The following EPHA6 variants were observed in gnomAD, a reference collection of about 807,000 sequenced individuals.
EPHA6 encodes EPH receptor A6, also known as ephrin type-A receptor 6.
Under a neutral mutation model 112.0 loss-of-function variants are expected in EPHA6, and 50 were observed. That is an observed-to-expected ratio of 0.45 (90% CI 0.36 to 0.56). The LOEUF is 0.56. Ranked by LOEUF, EPHA6 falls within the 20% of genes least tolerant of loss-of-function variation. EPHA6 has a pLI of 0.00. For missense variants in EPHA6, 1,280 were observed against 1,417.4 expected, an observed-to-expected ratio of 0.90 and a Z score of 1.56; for synonymous variants, 529 against 490.7, an observed-to-expected ratio of 1.08 and a Z score of -1.03.
intron 3 of EPHA6, among the ~76,000 whole-genome samples, chr3:97,006,527 A>AT (rs60999000): frequency 0.14 from 19,237 of 141,360 alleles, 1,763 homozygotes; most frequent in African/African-American, 0.28. Context: ...CTAGCAGTCT[A>AT]TTTTTTTTTT....
intron 10 of EPHA6, among the ~76,000 whole-genome samples, chr3:97,511,248 T>C (rs1388478900): frequency 6.6e-6 from 1 of 151,766 alleles, no homozygotes; most frequent in Non-Finnish European, 1.5e-5. Context: ...CTTCTGCAGC[T>C]AGCTCGGTGT....
chr3:97,187,478 G>T (rs1010405644), intron 3 of EPHA6, among the ~76,000 whole-genome samples: 2 of 151,612 alleles, frequency 1.3e-5, no homozygotes, highest in African/African-American at 4.8e-5. Flanking sequence ...GCTGAGGCAG[G>T]AGAATTGCTT....
At chr3:97,568,089 A>G (rs1403442275) in intron 11 of EPHA6, among the ~76,000 whole-genome samples, 1 of 152,188 alleles carries the variant, frequency 6.6e-6, no homozygotes, top group African/African-American at 2.4e-5. Context: ...TTTACGTATC[A>G]AAGACTTGCT....
intron 14 of EPHA6, among the ~76,000 whole-genome samples, chr3:97,654,501 A>G (rs1360360337): frequency 3.9e-5 from 6 of 151,984 alleles, no homozygotes; most frequent in Non-Finnish European, 8.8e-5. Context: ...AGATAGTGAT[A>G]AATATTGGAT....
At chr3:97,330,713 G>A (rs2082750095) in intron 5 of EPHA6, among the ~76,000 whole-genome samples, 1 of 152,188 alleles carries the variant, frequency 6.6e-6, no homozygotes, top group South Asian at 2.1e-4. Flanking sequence ...AAATATATAT[G>A]CACCCAATAC....
intron 3 of EPHA6, among the ~76,000 whole-genome samples, chr3:97,025,608 TA>T (rs1485472124): frequency 6.6e-6 from 1 of 152,174 alleles, no homozygotes; most frequent in Non-Finnish European, 1.5e-5. Flanking sequence ...TTTTATTTTT[TA>T]AAAACAGTCT....
intron 11 of EPHA6, among the ~76,000 whole-genome samples, chr3:97,539,014 TCTTTCTTTCTTTCTTTCTTTCTTG>T (rs1363482918): frequency 3.3e-5 from 5 of 151,000 alleles, no homozygotes; most frequent in African/African-American, 1.2e-4. Flanking sequence ...TTTCTTTCTT[TCTTTCTTTCTTTCTTTCTTTCTTG>T]CTTTCTTTCT....
intron 3 of EPHA6, among the ~76,000 whole-genome samples, chr3:97,171,170 C>T (rs2076689850): frequency 6.6e-6 from 1 of 151,968 alleles, no homozygotes; most frequent in Non-Finnish European, 1.5e-5. Context: ...CATTGATTTC[C>T]CATGGAGTTG....
chr3:97,389,456 A>G (rs2086272279), intron 5 of EPHA6, among the ~76,000 whole-genome samples: 1 of 152,148 alleles, frequency 6.6e-6, no homozygotes, highest in Admixed American at 6.6e-5. Flanking sequence ...GAATTATAAT[A>G]TTTATTTTTT....
intron 3 of EPHA6, among the ~76,000 whole-genome samples, chr3:97,220,515 A>G (rs2078162768): frequency 6.6e-6 from 1 of 152,216 alleles, no homozygotes; most frequent in Admixed American, 6.5e-5. Context: ...CAGGAAATTT[A>G]CAATCATGGC....
At chr3:97,458,839 A>C (rs6439188) in intron 7 of EPHA6, among the ~76,000 whole-genome samples, 6,369 of 152,180 alleles carry the variant, frequency 0.042, 363 homozygotes, top group African/African-American at 0.14. Flanking sequence ...CTCAATCAAA[A>C]CATATTAATA....
intron 14 of EPHA6, chr3:97,648,671 C>T (rs1052525519): frequency 1.9e-6 from 2 of 1,050,324 alleles, no homozygotes; most frequent in Non-Finnish European, 2.3e-6. Context: ...AGAACTTTCA[C>T]TCACTTTGTC....
chr3:97,153,255 AT>A (rs1483734523), intron 3 of EPHA6, among the ~76,000 whole-genome samples: 1 of 151,688 alleles, frequency 6.6e-6, no homozygotes, highest in Admixed American at 6.6e-5. Context: ...GTATATCACA[AT>A]TTTTTTCAAA....
rs374119693 is a variant in EPHA6, at chr3:97,319,863, A to G, written c.1606+75576A>G. Among the ~76,000 whole-genome samples the G allele has an allele frequency of 1.4e-4, 21 of 152,006 alleles. 1 individual carries two copies. The highest frequency in any genetic ancestry group is 4.8e-4 in the African/African-American group (20 of 41,336). On this transcript the variant is annotated intron_variant, in intron 5 of 17. Coordinates refer to ENST00000389672, the MANE Select transcript of EPHA6 (RefSeq NM_001080448.3). ...CAATTAAAACTTTTAAATACTGAGT[A>G]CAAAGTGCAACTCTACTAGTTATGT...
intron 11 of EPHA6, among the ~76,000 whole-genome samples, chr3:97,542,211 T>C (rs1183437419): frequency 1.3e-5 from 2 of 152,074 alleles, no homozygotes; most frequent in African/African-American, 4.8e-5. Flanking sequence ...CATTTAGCAT[T>C]AGGTATATCT....
intron 3 of EPHA6, among the ~76,000 whole-genome samples, chr3:97,166,322 T>C (rs1479549705): frequency 6.6e-6 from 1 of 151,626 alleles, no homozygotes; most frequent in African/African-American, 2.4e-5. Context: ...TATGCTTTCA[T>C]CCTTTGTAGT....
chr3:97,233,676 T>A (rs1030723257), intron 4 of EPHA6, among the ~76,000 whole-genome samples: 1 of 152,190 alleles, frequency 6.6e-6, no homozygotes, highest in Non-Finnish European at 1.5e-5. Context: ...TACTATCTGG[T>A]GTCTTGGTCA....
intron 2 of EPHA6, 31 bp from the exon 3 acceptor site, chr3:96,987,299 A>G: frequency 6.5e-7 from 1 of 1,546,702 alleles, no homozygotes; most frequent in African/African-American, 1.4e-5. Context: ...GTGGTTTAAA[A>G]TCACTTAATT....
chr3:97,378,902 G>A (rs1430213319), intron 5 of EPHA6, among the ~76,000 whole-genome samples: 2 of 152,120 alleles, frequency 1.3e-5, no homozygotes, highest in Non-Finnish European at 2.9e-5. Flanking sequence ...TTTGGACTGT[G>A]TACTTTTGGG....
Sources: gnomAD v4.1 joint callset for allele counts (sites outside exome capture counted in the v4.1 genomes callset) on GRCh38, gnomAD v4.1.1 for gene constraint, MANE v1.5 for transcripts, NCBI Gene and HGNC (gene_info 2026-07-23, HGNC 2026-07-21) for gene names.